Variants in FGD4 observed in about 807,000 individuals in gnomAD.
The protein encoded by FGD4 is FYVE, RhoGEF and PH domain-containing protein 4.
A neutral mutation model predicts 102.0 loss-of-function variants in FGD4; 42 were observed. That is an observed-to-expected ratio of 0.41 (90% CI 0.32 to 0.53). The LOEUF is 0.53. FGD4 is among the 20% of genes least tolerant of loss of function. FGD4 has a pLI of 0.21. For synonymous variants in FGD4, 380 were observed against 375.7 expected, an observed-to-expected ratio of 1.01 and a Z score of -0.13; for missense variants, 902 against 1,078.2, an observed-to-expected ratio of 0.84 and a Z score of 2.29.
At chr12:32,527,092 AT>A in intron 1 of FGD4, among the ~76,000 whole-genome samples, 1 of 152,318 alleles carries the variant, frequency 6.6e-6, no homozygotes, top group East Asian at 1.9e-4. Flanking sequence ...AAAATTTGAA[AT>A]TCATATACCA....
intron 1 of FGD4, among the ~76,000 whole-genome samples, chr12:32,536,414 G>C (rs1331587232): frequency 6.6e-6 from 1 of 152,136 alleles, no homozygotes; most frequent in East Asian, 1.9e-4. Context: ...AAAATAAAAA[G>C]GTATTTTCTT....
chr12:32,577,208 T>A (rs1565862842), intron 3 of FGD4, among the ~76,000 whole-genome samples: 1 of 152,200 alleles, frequency 6.6e-6, no homozygotes, highest in Non-Finnish European at 1.5e-5. Flanking sequence ...AAAAGAAATT[T>A]TGTCACTGAC....
intron 1 of FGD4, among the ~76,000 whole-genome samples, chr12:32,547,585 G>C (rs1943326459): frequency 6.6e-6 from 1 of 152,244 alleles, no homozygotes; most frequent in African/African-American, 2.4e-5. Flanking sequence ...TTTGCACAAT[G>C]TGTGCTTGCC....
intron 2 of FGD4, among the ~76,000 whole-genome samples, chr12:32,570,596 C>G (rs752549203): frequency 6.6e-6 from 1 of 152,006 alleles, no homozygotes; most frequent in African/African-American, 2.4e-5. Context: ...CATGTGCCAC[C>G]ACGCCCGGCT....
chr12:32,452,114 T>G (rs1942795927), intron 1 of FGD4, among the ~76,000 whole-genome samples: 1 of 152,214 alleles, frequency 6.6e-6, no homozygotes, highest in African/African-American at 2.4e-5. Context: ...GCATGCTGAC[T>G]TTAAAGTTCT....
chr12:32,515,376 G>A (rs1480234297), intron 1 of FGD4, among the ~76,000 whole-genome samples: 1 of 152,158 alleles, frequency 6.6e-6, no homozygotes, highest in Non-Finnish European at 1.5e-5. Flanking sequence ...GGTCATTGTT[G>A]TGCTCCCAGA....
Position 32,601,340 on chromosome 12 carries a change from T to A in FGD4, c.1164T>A (p.Asn388Lys). 3 of 1,614,170 alleles carry A rather than the reference T, an allele frequency of 1.9e-6. No individual in the cohort carries two copies. In the African/African-American group the frequency reaches 4.0e-5, roughly 22 times the overall value. ...NRGSFPAEMVNKIFSNISSIN... is the reference protein window; with the variant it reads ...NRGSFPAEMVKKIFSNISSIN... The stretch of plus-strand genomic sequence containing the variant: ...GCTCGTTTCCAGCAGAGATGGTGAA[T>A]AAAATCTTTTCTAATATTTCATCAA... The change falls in exon 6 of 17, where the codon AAT becomes AAA. Residue 388 changes from asparagine (N) to lysine (K), a missense_variant. Asn to Lys is a moderately conservative substitution (Grantham distance 94, BLOSUM62 0). Transcript: ENST00000534526.
intron 1 of FGD4, among the ~76,000 whole-genome samples, chr12:32,430,433 G>A (rs896248081): frequency 2.0e-5 from 3 of 152,204 alleles, no homozygotes; most frequent in African/African-American, 7.2e-5. Flanking sequence ...TTGCTTTCTA[G>A]GAACTTGTTT....
At chr12:32,440,682 A>G (rs879580234) in intron 1 of FGD4, among the ~76,000 whole-genome samples, 1 of 152,192 alleles carries the variant, frequency 6.6e-6, no homozygotes, top group Non-Finnish European at 1.5e-5. Context: ...GCTGCTGCCT[A>G]TGTTCGCTCA....
intron 1 of FGD4, among the ~76,000 whole-genome samples, chr12:32,528,114 T>C (rs1342909665): frequency 6.6e-6 from 1 of 151,996 alleles, no homozygotes; most frequent in Non-Finnish European, 1.5e-5. Flanking sequence ...GATTTTTGTA[T>C]TTTTAGTAGA....
At chr12:32,552,308 G>A (rs1055870943) in intron 1 of FGD4, among the ~76,000 whole-genome samples, 2 of 152,140 alleles carry the variant, frequency 1.3e-5, no homozygotes, top group African/African-American at 4.8e-5. Flanking sequence ...CGCCCAGGCT[G>A]GAGTGCAGTG....
At chr12:32,526,932 C>T (rs777004306) in intron 1 of FGD4, among the ~76,000 whole-genome samples, 2 of 152,146 alleles carry the variant, frequency 1.3e-5, no homozygotes, top group Middle Eastern at 3.4e-3. Flanking sequence ...AGTATTACGT[C>T]GCATGAATAT....
intron 1 of FGD4, among the ~76,000 whole-genome samples, chr12:32,433,880 G>T (rs149473988): frequency 1.3e-5 from 2 of 151,086 alleles, no homozygotes; most frequent in Non-Finnish European, 2.9e-5. Context: ...TTTTTGAGAC[G>T]GAGTCTTGCT....
At chr12:32,613,733 A>G (rs1407398275) in intron 10 of FGD4, among the ~76,000 whole-genome samples, 4 of 152,074 alleles carry the variant, frequency 2.6e-5, no homozygotes, top group Non-Finnish European at 4.4e-5. Flanking sequence ...TGACCATGCC[A>G]CCCAGCCTGG....
chr12:32,555,036 G>C (rs1467005556), intron 1 of FGD4, among the ~76,000 whole-genome samples: 1 of 152,230 alleles, frequency 6.6e-6, no homozygotes, highest in African/African-American at 2.4e-5. Context: ...TCTGGTCCTG[G>C]TTTGACAATA....
At chr12:32,606,112 T>C (rs938251872) in intron 7 of FGD4, among the ~76,000 whole-genome samples, 6 of 152,222 alleles carry the variant, frequency 3.9e-5, no homozygotes, top group Non-Finnish European at 8.8e-5. Context: ...TGTAAAATAT[T>C]TGGGATCAGT....
At chr12:32,539,383 A>G (rs756622160) in intron 1 of FGD4, among the ~76,000 whole-genome samples, 1 of 152,070 alleles carries the variant, frequency 6.6e-6, no homozygotes, top group Non-Finnish European at 1.5e-5. Flanking sequence ...CAGCCTGACC[A>G]ACATGGAGAA....
Position 32,536,570 on chromosome 12 carries a change from G to A in FGD4, c.167-27567G>A, listed in dbSNP as rs1592143474. The stretch of plus-strand genomic sequence containing the variant: ...AATGTCTTCACCCTGGTTTGTGTGT[G>A]TTCTCTGATTTATCTCCCACCACAG... On this transcript the variant is annotated intron_variant, in intron 1 of 16. Transcript: ENST00000534526. 3.3e-5 allele frequency among the ~76,000 whole-genome samples: 5 copies of A among 152,312 alleles called. No homozygotes were observed. In the South Asian group the frequency reaches 1.0e-3, roughly 32 times the overall value.
chr12:32,618,679 T>G (rs890409115), intron 10 of FGD4, among the ~76,000 whole-genome samples: 2 of 152,046 alleles, frequency 1.3e-5, no homozygotes, highest in African/African-American at 2.4e-5. Flanking sequence ...AAAAAAAATT[T>G]TTTAATTGAG....
Sources: gnomAD v4.1 joint callset for allele counts (sites outside exome capture counted in the v4.1 genomes callset) on GRCh38, gnomAD v4.1.1 for gene constraint, MANE v1.5 for transcripts, NCBI Gene and HGNC (gene_info 2026-07-23, HGNC 2026-07-21) for gene names.